The following GABBR2 variants were observed in gnomAD, a reference collection of about 807,000 sequenced individuals.
GABBR2 encodes gamma-aminobutyric acid type B receptor subunit 2.
In GABBR2, 23 loss-of-function variants were observed where a neutral mutation model predicts 105.6. The ratio of observed to expected loss-of-function variants is 0.22; its 90% CI spans 0.16 to 0.31. The LOEUF (loss-of-function observed/expected upper bound fraction) is 0.31, where lower values mean the gene tolerates loss of function less well. Ranked by LOEUF, GABBR2 falls within the 10% of genes least tolerant of loss-of-function variation. The pLI, the probability that GABBR2 is intolerant of heterozygous loss-of-function variation, is 1.00. For synonymous variants in GABBR2, 478 were observed against 499.7 expected, an observed-to-expected ratio of 0.96 and a Z score of 0.58; for missense variants, 734 against 1,245.5, an observed-to-expected ratio of 0.59 and a Z score of 6.18.
intron 3 of GABBR2, among the ~76,000 whole-genome samples, chr9:98,512,444 A>G (rs1000574943): frequency 7.9e-5 from 12 of 151,614 alleles, no homozygotes; most frequent in Admixed American, 3.3e-4. Flanking sequence ...AGGGTATTCA[A>G]TTAGGAAAAG....
chr9:98,432,122 C>G (rs1446560928), intron 7 of GABBR2, among the ~76,000 whole-genome samples: 14 of 152,192 alleles, frequency 9.2e-5, no homozygotes, highest in African/African-American at 2.7e-4. Flanking sequence ...TTTTGAACTC[C>G]TGATCTCAAA....
At chr9:98,698,144 T>A (rs1830780153) in intron 1 of GABBR2, among the ~76,000 whole-genome samples, 1 of 152,214 alleles carries the variant, frequency 6.6e-6, no homozygotes, top group African/African-American at 2.4e-5. Flanking sequence ...CAATAATGCA[T>A]CACTCCACAA....
At chr9:98,533,233 A>G (rs1326098162) in intron 3 of GABBR2, among the ~76,000 whole-genome samples, 2 of 152,170 alleles carry the variant, frequency 1.3e-5, no homozygotes, top group Non-Finnish European at 2.9e-5. Context: ...CCAGAGCAGT[A>G]TCCTGGGAGA....
At chr9:98,449,025 G>A (rs892945519) in intron 7 of GABBR2, among the ~76,000 whole-genome samples, 2 of 152,110 alleles carry the variant, frequency 1.3e-5, no homozygotes, top group African/African-American at 4.8e-5. Context: ...GTCTCCTGAC[G>A]ATGAATTTAG....
rs113747643 is a variant in GABBR2 at position 98,388,619 on chromosome 9, CTGTG to C, written c.1529+231_1529+234del. On this transcript the variant is annotated intron_variant, in intron 10 of 18. Transcript: ENST00000259455. The surrounding 1 kb of genome is among the most constrained non-coding windows in gnomAD (Gnocchi z 4.4). The stretch of plus-strand genomic sequence containing the variant: ...TCCTGTGCAACCAGCAGCCTGGCCT[CTGTG>C]TGTGTGTGTGTGTGTGTGTGTGTGT... 0.33 allele frequency among the ~76,000 whole-genome samples: 48,084 copies of C among 144,250 alleles called. 8,368 individuals carry two copies. The highest frequency in any genetic ancestry group is 0.45 in the East Asian group (2,125 of 4,680). 94.6% of individuals were successfully genotyped at this position (144,250 alleles called of 152,430 possible).
At chr9:98,583,004 T>C (rs1045336630) in intron 1 of GABBR2, among the ~76,000 whole-genome samples, 2 of 152,148 alleles carry the variant, frequency 1.3e-5, no homozygotes, top group African/African-American at 4.8e-5. Context: ...GTCTAGAGAC[T>C]CAACCGAAGA....
At chr9:98,580,615 C>T (rs1828987320) in intron 1 of GABBR2, among the ~76,000 whole-genome samples, 1 of 152,114 alleles carries the variant, frequency 6.6e-6, no homozygotes, top group Non-Finnish European at 1.5e-5. Context: ...TGGCGAAACC[C>T]CGTCTCTATT....
rs2131328875 is a variant in GABBR2, at chr9:98,289,621, A to C, written c.*963T>G. 1 of 142,804 alleles carries C rather than the reference A, an allele frequency of 7.0e-6. No individual in the cohort carries two copies. Among genetic ancestry groups the C allele is most frequent in the Non-Finnish European group, 1.5e-5 (1 of 66,424 alleles). The allele number at this position is 142,804 out of a possible 1,614,324, so 8.8% of individuals were successfully genotyped here. ...AGTGCCTCCAATTCACTTTGGTCAG[A>C]AACAAAGTTAGTGGGAAAAAAAAAA... On this transcript the variant is annotated 3_prime_UTR_variant, in exon 19 of 19. Transcript: ENST00000259455.
At chr9:98,612,196 G>T (rs1829515110) in intron 1 of GABBR2, among the ~76,000 whole-genome samples, 1 of 152,218 alleles carries the variant, frequency 6.6e-6, no homozygotes, top group Non-Finnish European at 1.5e-5. Flanking sequence ...GCTCTGAGGG[G>T]CTCTCAGAGG....
chr9:98,396,003 G>A (rs972244724), intron 8 of GABBR2, among the ~76,000 whole-genome samples: 1 of 152,190 alleles, frequency 6.6e-6, no homozygotes, highest in African/African-American at 2.4e-5. Context: ...AGGAGACGGA[G>A]GCTCAGACAG....
intron 1 of GABBR2, among the ~76,000 whole-genome samples, chr9:98,675,693 G>A (rs1056304557): frequency 6.6e-6 from 1 of 152,166 alleles, no homozygotes; most frequent in South Asian, 2.1e-4. Flanking sequence ...TGCACTAGGG[G>A]CCTCCTCTTC....
At chr9:98,546,482 A>G (rs987638465) in intron 2 of GABBR2, among the ~76,000 whole-genome samples, 2 of 152,234 alleles carry the variant, frequency 1.3e-5, no homozygotes, top group African/African-American at 4.8e-5. Context: ...CAGGCACTTA[A>G]TAGATATTCA....
intron 5 of GABBR2, among the ~76,000 whole-genome samples, chr9:98,479,550 C>T (rs906773324): frequency 4.6e-5 from 7 of 152,196 alleles, no homozygotes; most frequent in African/African-American, 1.4e-4. Context: ...AGAAGATGAT[C>T]GGACAGTTCT....
chr9:98,604,972 G>C (rs1277209734), intron 1 of GABBR2, among the ~76,000 whole-genome samples: 1 of 152,112 alleles, frequency 6.6e-6, no homozygotes, highest in Non-Finnish European at 1.5e-5. Flanking sequence ...CACCACACCA[G>C]AGCTAAGGAC....
chr9:98,607,698 A>G lies in GABBR2; in HGVS notation c.322-29626T>C. ...TTCTAAGAAATATGTTGATAAGAACACACATGCAGGACTTGAAAGAGGTTA... is the reference window on the plus strand; with the variant it reads ...TTCTAAGAAATATGTTGATAAGAACGCACATGCAGGACTTGAAAGAGGTTA... On this transcript the variant is annotated intron_variant, in intron 1 of 18. Coordinates refer to ENST00000259455, the MANE Select transcript of GABBR2 (RefSeq NM_005458.8). 4.0e-6 allele frequency: 3 copies of G among 755,900 alleles called. No individual in the cohort carries two copies. In the Admixed American group the frequency reaches 5.8e-5, roughly 15 times the overall value. 46.8% of individuals were successfully genotyped at this position (755,900 alleles called of 1,614,324 possible).
chr9:98,536,481 C>G (rs567929064), intron 3 of GABBR2, among the ~76,000 whole-genome samples: 1 of 152,082 alleles, frequency 6.6e-6, no homozygotes, highest in African/African-American at 2.4e-5. Context: ...GGGAGAGACC[C>G]AAATGTCTCT....
At chr9:98,462,387 A>C (rs79320903) in intron 6 of GABBR2, among the ~76,000 whole-genome samples, 1,784 of 152,336 alleles carry the variant, frequency 0.012, 29 homozygotes, top group African/African-American at 0.041. Context: ...GAAGATATAA[A>C]TAATACATAT....
intron 14 of GABBR2, among the ~76,000 whole-genome samples, chr9:98,309,805 C>CTT (rs1274710692): frequency 6.6e-6 from 1 of 152,218 alleles, no homozygotes; most frequent in Non-Finnish European, 1.5e-5. Flanking sequence ...GCTCAAAAGA[C>CTT]TTCTATGGAA....
intron 2 of GABBR2, among the ~76,000 whole-genome samples, chr9:98,576,904 TTGGATGGATGGATGGATGGA>T (rs71369567): frequency 2.2e-4 from 22 of 99,606 alleles, no homozygotes; most frequent in African/African-American, 5.6e-4. Flanking sequence ...AAAATATTTG[TTGGATGGATGGATGGATGGA>T]TGGATGGATG....
Sources: gnomAD v4.1 joint callset for allele counts (sites outside exome capture counted in the v4.1 genomes callset) on GRCh38, gnomAD v4.1.1 for gene constraint, Gnocchi (gnomAD v3.1) non-coding constraint, MANE v1.5 for transcripts, NCBI Gene and HGNC (gene_info 2026-07-23, HGNC 2026-07-21) for gene names.